The following PDE1A variants were observed in gnomAD, a reference collection of about 807,000 sequenced individuals.
PDE1A encodes the protein phosphodiesterase 1A.
In PDE1A, 35 loss-of-function variants were observed where a neutral mutation model predicts 61.7. That is an observed-to-expected ratio of 0.57 (90% CI 0.43 to 0.75). PDE1A has a LOEUF of 0.75. PDE1A is among the 30% of genes least tolerant of loss of function. The probability of loss-of-function intolerance (pLI) is 0.00; values close to 1 mark genes in which losing one functional copy is unlikely to be tolerated. For synonymous variants in PDE1A, 232 were observed against 213.2 expected (o/e 1.09, Z -0.77); for missense variants, 597 against 630.6 (o/e 0.95, Z 0.57).
intron 7 of PDE1A, among the ~76,000 whole-genome samples, chr2:182,220,045 A>T (rs955183679): frequency 6.6e-6 from 1 of 152,056 alleles, no homozygotes. Context: ...ACATATGATA[A>T]ATGACCTACC....
At chr2:182,209,115 G>T (rs984749244) in intron 7 of PDE1A, among the ~76,000 whole-genome samples, 11 of 152,094 alleles carry the variant, frequency 7.2e-5, no homozygotes, top group African/African-American at 2.4e-4. Flanking sequence ...TCAAGCTGCT[G>T]ATAAAGACAT....
the PDE1A span, among the ~76,000 whole-genome samples, chr2:182,577,992 G>GGAAGGAAGGAAGGAAGGAAGGAAC: frequency 6.7e-6 from 1 of 148,222 alleles, no homozygotes; most frequent in African/African-American, 2.5e-5. Flanking sequence ...AAGGAAGGAA[G>GGAAGGAAGGAAGGAAGGAAGGAAC]GGACGGAGGG....
intron 2 of PDE1A, among the ~76,000 whole-genome samples, chr2:182,469,962 A>C (rs932213553): frequency 4.0e-5 from 6 of 151,876 alleles, no homozygotes; most frequent in African/African-American, 1.4e-4. Flanking sequence ...TTGGTGCCCC[A>C]CAACAATTGC....
intron 2 of PDE1A, among the ~76,000 whole-genome samples, chr2:182,455,774 G>A (rs1685874245): frequency 6.6e-6 from 1 of 151,970 alleles, no homozygotes; most frequent in African/African-American, 2.4e-5. Context: ...GGGAATGGGG[G>A]AGGGAAAGCA....
intron 1 of PDE1A, among the ~76,000 whole-genome samples, chr2:182,404,348 G>A (rs1003312716): frequency 8.5e-5 from 13 of 152,090 alleles, no homozygotes; most frequent in African/African-American, 1.2e-4. Context: ...ATCCCAGGAC[G>A]ACCCTTCTAC....
intron 1 of PDE1A, among the ~76,000 whole-genome samples, chr2:182,297,923 A>C (rs1471517715): frequency 6.6e-6 from 1 of 152,160 alleles, no homozygotes; most frequent in African/African-American, 2.4e-5. Context: ...TATTTCCTCT[A>C]TTACTTCCCC....
At chr2:182,600,636 G>A in the PDE1A span, among the ~76,000 whole-genome samples, 1 of 152,208 alleles carries the variant, frequency 6.6e-6, no homozygotes, top group Non-Finnish European at 1.5e-5. Context: ...GAGTTACTGA[G>A]TCAGGATGAA....
chr2:182,474,211 A>G (rs766690570), intron 2 of PDE1A, among the ~76,000 whole-genome samples: 179 of 151,932 alleles, frequency 1.2e-3, no homozygotes, highest in Non-Finnish European at 2.2e-3. Flanking sequence ...GTAAATATTT[A>G]CTTGGGTCTA....
At chr2:182,226,086 A>C (rs1436667097) in intron 6 of PDE1A, among the ~76,000 whole-genome samples, 1 of 149,708 alleles carries the variant, frequency 6.7e-6, no homozygotes, top group Non-Finnish European at 1.5e-5. Flanking sequence ...TGTTTTATTA[A>C]AGAAAATGGA....
chr2:182,228,919 G>A (rs969983131), intron 6 of PDE1A, among the ~76,000 whole-genome samples: 13 of 152,156 alleles, frequency 8.5e-5, no homozygotes, highest in African/African-American at 2.7e-4. Flanking sequence ...GTCTCAGAAA[G>A]TGACTATGTG....
At chr2:182,648,511 C>CA in the PDE1A span, among the ~76,000 whole-genome samples, 753 of 76,140 alleles carry the variant, frequency 9.9e-3, 8 homozygotes, top group African/African-American at 0.038. Context: ...CCTGTCCCCA[C>CA]AAAAAAAAAA....
chr2:182,452,357 C>CA (rs1429491545), intron 2 of PDE1A, among the ~76,000 whole-genome samples: 3 of 152,094 alleles, frequency 2.0e-5, no homozygotes, highest in Non-Finnish European at 4.4e-5. Flanking sequence ...GAAATATCTT[C>CA]AATGTGTTCA....
chr2:182,415,938 T>C (rs867086855), intron 1 of PDE1A, among the ~76,000 whole-genome samples: 5 of 152,186 alleles, frequency 3.3e-5, no homozygotes, highest in South Asian at 4.1e-4. Context: ...TGGCCTGGCA[T>C]GCACACTAAG....
chr2:182,149,898 A>G (rs1690689475), intron 13 of PDE1A, among the ~76,000 whole-genome samples: 1 of 152,176 alleles, frequency 6.6e-6, no homozygotes, highest in African/African-American at 2.4e-5. Flanking sequence ...AGTACAATTT[A>G]TAAATAAAAT....
the PDE1A span, among the ~76,000 whole-genome samples, chr2:182,604,285 TGA>T: frequency 8.4e-4 from 128 of 152,340 alleles, no homozygotes; most frequent in African/African-American, 2.5e-3. Flanking sequence ...TCTAATTATT[TGA>T]GAGTTATCAG....
At chr2:182,610,730 TA>T in the PDE1A span, among the ~76,000 whole-genome samples, 3 of 151,738 alleles carry the variant, frequency 2.0e-5, no homozygotes, top group Non-Finnish European at 2.9e-5. Flanking sequence ...TAGGATTGGA[TA>T]AAACTAAATT....
the PDE1A span, among the ~76,000 whole-genome samples, chr2:182,550,784 T>A: frequency 6.6e-6 from 1 of 152,168 alleles, no homozygotes; most frequent in African/African-American, 2.4e-5. Context: ...ATTGTTTCCA[T>A]CTTGTGGTTC....
intron 2 of PDE1A, among the ~76,000 whole-genome samples, chr2:182,483,391 C>T (rs4666838): frequency 0.27 from 40,280 of 151,738 alleles, 5,556 homozygotes; most frequent in Middle Eastern, 0.43. Flanking sequence ...AATGCACACA[C>T]AATATATGCT....
intron 1 of PDE1A, among the ~76,000 whole-genome samples, chr2:182,358,068 T>G (rs1378141015): frequency 1.3e-5 from 2 of 152,220 alleles, no homozygotes; most frequent in African/African-American, 4.8e-5. Flanking sequence ...CTCAGCCACC[T>G]TCCATTTTCT....
Sources: gnomAD v4.1 joint callset for allele counts (sites outside exome capture counted in the v4.1 genomes callset) on GRCh38, gnomAD v4.1.1 for gene constraint, MANE v1.5 for transcripts, NCBI Gene and HGNC (gene_info 2026-07-23, HGNC 2026-07-21) for gene names.